CYS1: variants seen among roughly 807,000 people sequenced by gnomAD.
CYS1 encodes cystin 1.
A neutral mutation model predicts 9.6 loss-of-function variants in CYS1; 5 were observed. The ratio of observed to expected loss-of-function variants is 0.52; its 90% CI spans 0.27 to 1.10. CYS1 has a LOEUF of 1.10. Ranked by LOEUF, CYS1 falls within the 50% of genes least tolerant of loss-of-function variation. The pLI, the probability that CYS1 is intolerant of heterozygous loss-of-function variation, is 0.11. For synonymous variants in CYS1, 88 were observed against 95.7 expected (o/e 0.92, Z 0.47); for missense variants, 221 against 207.9 (o/e 1.06, Z -0.39).
intron 2 of CYS1, among the ~76,000 whole-genome samples, chr2:10,059,229 C>A (rs1661593716): frequency 6.6e-6 from 1 of 152,282 alleles, no homozygotes; most frequent in Non-Finnish European, 1.5e-5. Flanking sequence ...GGTGGGAAGA[C>A]CGAGCTTGAA....
intron 2 of CYS1, among the ~76,000 whole-genome samples, chr2:10,059,210 G>C (rs1468665781): frequency 1.1e-4 from 17 of 152,252 alleles, no homozygotes; most frequent in Non-Finnish European, 4.4e-5. Flanking sequence ...GAGGGAGGAC[G>C]GGCTCTGGGG....
At chr2:10,079,788 G>C (rs1406068386) in intron 1 of CYS1, 118 bp downstream of exon 1, 3 of 580,108 alleles carry the variant, frequency 5.2e-6, no homozygotes, top group South Asian at 1.6e-4. Flanking sequence ...CGGGGAGCAC[G>C]CAAGTCGGAG....
intron 1 of CYS1, among the ~76,000 whole-genome samples, chr2:10,069,031 C>T (rs920998358): frequency 2.6e-5 from 4 of 151,682 alleles, no homozygotes; most frequent in African/African-American, 9.7e-5. Flanking sequence ...CACTGCACTC[C>T]AGCCTGGGTG....
rs1171577423 is a variant in CYS1 at position 10,058,165 on chromosome 2, C to T, written c.*688G>A. ...TCCAAGAGCTGCCAGAGCTGATTTT[C>T]CAGAGAGGGAAACTGAGGCCCAGAG... On this transcript the variant is annotated 3_prime_UTR_variant, in exon 3 of 3. Transcript: ENST00000381813. 1 of 152,442 alleles carries T rather than the reference C, an allele frequency of 6.6e-6. No homozygotes were observed. Among genetic ancestry groups the T allele is most frequent in the Non-Finnish European group, 1.5e-5 (1 of 68,218 alleles). 9.4% of individuals were successfully genotyped at this position (152,442 alleles called of 1,614,324 possible). A position where few individuals can be genotyped will look rare whatever the true frequency, so the allele number is the denominator to read the frequency against.
At chr2:10,060,275 G>A (rs888794006) in intron 2 of CYS1, among the ~76,000 whole-genome samples, 6 of 152,352 alleles carry the variant, frequency 3.9e-5, no homozygotes, top group Admixed American at 1.3e-4. Context: ...AGGGCTAGCC[G>A]CCCCCCATTT....
chr2:10,074,382 A>G (rs1016649868), intron 1 of CYS1, among the ~76,000 whole-genome samples: 4 of 152,082 alleles, frequency 2.6e-5, no homozygotes, highest in African/African-American at 9.6e-5. Context: ...TCAGTGGCTC[A>G]CCTCACCTCC....
intron 1 of CYS1, among the ~76,000 whole-genome samples, chr2:10,079,302 C>G (rs957785529): frequency 3.9e-5 from 6 of 152,142 alleles, no homozygotes; most frequent in African/African-American, 1.4e-4. Flanking sequence ...GCATCCTCCC[C>G]GAGCCCGGGA....
intron 2 of CYS1, among the ~76,000 whole-genome samples, chr2:10,065,072 C>T (rs1661677310): frequency 6.6e-6 from 1 of 152,098 alleles, no homozygotes; most frequent in Non-Finnish European, 1.5e-5. Context: ...CCAGTTCTGA[C>T]CTCCCCTGGA....
chr2:10,065,635 T>C (rs754999740), intron 2 of CYS1, among the ~76,000 whole-genome samples: 3 of 152,144 alleles, frequency 2.0e-5, no homozygotes, highest in Non-Finnish European at 2.9e-5. Flanking sequence ...ACAGCACAAA[T>C]AGGAAATGGG....
intron 1 of CYS1, among the ~76,000 whole-genome samples, chr2:10,066,451 G>C (rs557192144): frequency 6.6e-6 from 1 of 152,248 alleles, no homozygotes; most frequent in East Asian, 1.9e-4. Context: ...TCTAAACATT[G>C]CCCAGAACCC....
chr2:10,062,124 C>T (rs1235757781), intron 2 of CYS1, among the ~76,000 whole-genome samples: 1 of 151,950 alleles, frequency 6.6e-6, no homozygotes, highest in East Asian at 1.9e-4. Flanking sequence ...CCTCCCACCT[C>T]AGTCTCCTGA....
intron 1 of CYS1, among the ~76,000 whole-genome samples, chr2:10,079,231 C>T (rs760267045): frequency 1.3e-5 from 2 of 152,152 alleles, no homozygotes; most frequent in African/African-American, 4.8e-5. Flanking sequence ...GCATCTTCCT[C>T]GGCTCCCAGC....
At chr2:10,079,102 G>A (rs1386568129) in intron 1 of CYS1, among the ~76,000 whole-genome samples, 1 of 152,178 alleles carries the variant, frequency 6.6e-6, no homozygotes, top group Admixed American at 6.5e-5. Flanking sequence ...TAAGGGAGAG[G>A]AGCAGGGAAC....
chr2:10,073,128 C>A (rs1489067309), intron 1 of CYS1, among the ~76,000 whole-genome samples: 1 of 139,704 alleles, frequency 7.2e-6, no homozygotes, highest in Non-Finnish European at 1.6e-5. Flanking sequence ...CTCTGGGGGG[C>A]AGCGGTGCAG....
chr2:10,064,451 G>A (rs1052902477), intron 2 of CYS1, among the ~76,000 whole-genome samples: 1 of 152,044 alleles, frequency 6.6e-6, no homozygotes, highest in African/African-American at 2.4e-5. Context: ...GCAGAGCTGC[G>A]TGGGCATCAT....
At position 10,070,113 on chromosome 2, in the gene CYS1, C is replaced by G. The variant is rs147899784; in HGVS notation, c.319-4157G>C. Among the ~76,000 whole-genome samples, 90 of 152,266 alleles carry G rather than the reference C, an allele frequency of 5.9e-4. No homozygotes were observed. In the East Asian group the frequency reaches 0.016, roughly 27 times the overall value. On this transcript the variant is annotated intron_variant, in intron 1 of 2. Transcript: ENST00000381813. Reference sequence around the variant, plus strand: ...AGTCACGCACTTCTATTTCTAGGGTCACTGTGAACGCTCAGCAGGTGAGGA... The same window carrying G: ...AGTCACGCACTTCTATTTCTAGGGTGACTGTGAACGCTCAGCAGGTGAGGA...
chr2:10,075,878 C>T (rs567392207), intron 1 of CYS1, among the ~76,000 whole-genome samples: 1 of 152,124 alleles, frequency 6.6e-6, no homozygotes, highest in Non-Finnish European at 1.5e-5. Flanking sequence ...ATCTGAATTA[C>T]CACCTGCTAA....
intron 1 of CYS1, among the ~76,000 whole-genome samples, chr2:10,073,783 G>A (rs376862825): frequency 9.2e-5 from 14 of 152,216 alleles, no homozygotes; most frequent in Admixed American, 5.2e-4. Context: ...TGCATGAGCC[G>A]ACATCCTCCT....
chr2:10,060,226 T>C (rs1661608310), intron 2 of CYS1, among the ~76,000 whole-genome samples: 1 of 152,208 alleles, frequency 6.6e-6, no homozygotes, highest in African/African-American at 2.4e-5. Flanking sequence ...CTCTGGGCAA[T>C]GGGAACACCG....
Sources: gnomAD v4.1 joint callset for allele counts (sites outside exome capture counted in the v4.1 genomes callset) on GRCh38, gnomAD v4.1.1 for gene constraint, MANE v1.5 for transcripts, NCBI Gene and HGNC (gene_info 2026-07-23, HGNC 2026-07-21) for gene names.